RAPGEF2: variants seen among roughly 807,000 people sequenced by gnomAD.
RAPGEF2 encodes the protein PDZ domain containing guanine nucleotide exchange factor (GEF) 1.
A neutral mutation model predicts 186.7 loss-of-function variants in RAPGEF2; 54 were observed. The observed-to-expected ratio is 0.29, with a 90% CI of 0.23 to 0.36. The LOEUF is 0.36. Ranked by LOEUF, RAPGEF2 falls within the 10% of genes least tolerant of loss-of-function variation. RAPGEF2 has a pLI of 1.00. For missense variants in RAPGEF2, 1,532 were observed against 2,045.0 expected, an observed-to-expected ratio of 0.75 and a Z score of 4.84; for synonymous variants, 712 against 705.9, an observed-to-expected ratio of 1.01 and a Z score of -0.14.
intron 1 of RAPGEF2, among the ~76,000 whole-genome samples, chr4:159,153,122 C>T (rs1255044162): frequency 6.6e-6 from 1 of 152,160 alleles, no homozygotes; most frequent in Non-Finnish European, 1.5e-5. Context: ...CAAACAACTT[C>T]ATTACACTAG....
chr4:159,174,901 TGCTCGTCACCACACCTG>T (rs1746303887), intron 1 of RAPGEF2, among the ~76,000 whole-genome samples: 3 of 152,034 alleles, frequency 2.0e-5, no homozygotes, highest in Admixed American at 6.6e-5. Flanking sequence ...GGACCACAGG[TGCTCGTCACCACACCTG>T]GCTAATTTTG....
chr4:159,358,860 CCTT>C lies in RAPGEF2; in HGVS notation c.*724_*726del, dbSNP rs1456476599. ...GGCTTGTGACCCTGGCTTCCCATGT[CCTT>C]CTGGTCTCACCCGCGAAGTGCCCTA... On this transcript the variant is annotated 3_prime_UTR_variant, in exon 30 of 30. Transcript: ENST00000691494. 1.3e-5 allele frequency: 2 copies of C among 152,194 alleles called. No individual in the cohort carries two copies. The highest frequency in any genetic ancestry group is 2.4e-5 in the African/African-American group (1 of 41,440). 9.4% of individuals were successfully genotyped at this position (152,194 alleles called of 1,614,324 possible). A position where few individuals can be genotyped will look rare whatever the true frequency, so the allele number is the denominator to read the frequency against.
chr4:159,351,978 T>G (rs1213278335), intron 26 of RAPGEF2, among the ~76,000 whole-genome samples: 1 of 151,918 alleles, frequency 6.6e-6, no homozygotes, highest in African/African-American at 2.4e-5. Flanking sequence ...GATAGGCCCC[T>G]GCCATTGTGT....
intron 3 of RAPGEF2, among the ~76,000 whole-genome samples, chr4:159,196,649 T>A (rs920372436): frequency 1.3e-5 from 2 of 152,234 alleles, no homozygotes; most frequent in African/African-American, 4.8e-5. Flanking sequence ...GTACAGAGTG[T>A]TTAGAGCAGC....
chr4:159,324,021 C>T (rs535294184), intron 11 of RAPGEF2, among the ~76,000 whole-genome samples: 10 of 152,172 alleles, frequency 6.6e-5, no homozygotes, highest in East Asian at 5.8e-4. Flanking sequence ...CTCAGCCTCC[C>T]GAGCAGCTGG....
At chr4:159,146,953 A>G (rs757011347) in intron 1 of RAPGEF2, among the ~76,000 whole-genome samples, 1 of 152,168 alleles carries the variant, frequency 6.6e-6, no homozygotes, top group Non-Finnish European at 1.5e-5. Context: ...TAACCTATAC[A>G]TTCTCTTTTG....
chr4:159,213,191 G>T (rs937429837), intron 4 of RAPGEF2, among the ~76,000 whole-genome samples: 2 of 152,162 alleles, frequency 1.3e-5, no homozygotes, highest in African/African-American at 4.8e-5. Context: ...TGGGGATGTT[G>T]CCTTAGGAAT....
chr4:159,163,564 A>G (rs1744948433), intron 1 of RAPGEF2, among the ~76,000 whole-genome samples: 2 of 152,244 alleles, frequency 1.3e-5, no homozygotes, highest in Non-Finnish European at 1.5e-5. Context: ...CAAAAATAAA[A>G]GATCTGATTA....
At chr4:159,225,224 G>A (rs1751905282) in intron 4 of RAPGEF2, among the ~76,000 whole-genome samples, 1 of 152,142 alleles carries the variant, frequency 6.6e-6, no homozygotes, top group Admixed American at 6.5e-5. Flanking sequence ...AACAGGGACA[G>A]AATTTGAAAA....
chr4:159,286,442 A>T (rs766802406), intron 7 of RAPGEF2, among the ~76,000 whole-genome samples: 1 of 152,058 alleles, frequency 6.6e-6, no homozygotes, highest in Non-Finnish European at 1.5e-5. Context: ...TCTGCATGCT[A>T]TTCTTCACAT....
At chr4:159,118,666 A>G (rs981408438) in intron 1 of RAPGEF2, among the ~76,000 whole-genome samples, 2 of 151,134 alleles carry the variant, frequency 1.3e-5, no homozygotes, top group South Asian at 4.2e-4. Context: ...GCTCACCGCA[A>G]CCTCCGCCTC....
At chr4:159,191,920 A>G (rs1323306136) in intron 2 of RAPGEF2, among the ~76,000 whole-genome samples, 1 of 152,144 alleles carries the variant, frequency 6.6e-6, no homozygotes, top group Non-Finnish European at 1.5e-5. Context: ...TTCAGTAGAG[A>G]GGAACATGGA....
At chr4:159,287,321 G>A (rs1760631516) in intron 7 of RAPGEF2, among the ~76,000 whole-genome samples, 1 of 152,026 alleles carries the variant, frequency 6.6e-6, no homozygotes, top group Non-Finnish European at 1.5e-5. Flanking sequence ...ATAAAATATG[G>A]AAATAAATAT....
rs553539343 is a variant in RAPGEF2 at position 159,181,312 on chromosome 4, C to T, written c.70-5330C>T. Among the ~76,000 whole-genome samples the T allele has an allele frequency of 1.3e-4, 20 of 152,340 alleles. No homozygotes were observed. In the South Asian group the frequency reaches 4.1e-3, roughly 32 times the overall value. Reference sequence around the variant, plus strand: ...TCTTGCTTCTACTGTGTCTCTTAGACTTCTCCATCCTTTCCTGACATAGCT... The same window carrying T: ...TCTTGCTTCTACTGTGTCTCTTAGATTTCTCCATCCTTTCCTGACATAGCT... On this transcript the variant is annotated intron_variant, in intron 1 of 29. Transcript: ENST00000691494.
intron 1 of RAPGEF2, among the ~76,000 whole-genome samples, chr4:159,178,297 G>T (rs1746651114): frequency 6.6e-6 from 1 of 152,144 alleles, no homozygotes; most frequent in South Asian, 2.1e-4. Context: ...TATGGTATGG[G>T]CAGGCAGTCA....
chr4:159,164,226 G>C (rs1745042021), intron 1 of RAPGEF2, among the ~76,000 whole-genome samples: 1 of 150,940 alleles, frequency 6.6e-6, no homozygotes, highest in Non-Finnish European at 1.5e-5. Context: ...GGATGGTCTC[G>C]ATGTCCTGAC....
intron 1 of RAPGEF2, among the ~76,000 whole-genome samples, chr4:159,161,030 T>C (rs1323051178): frequency 6.6e-6 from 1 of 152,122 alleles, no homozygotes. Context: ...AAAAAATGCT[T>C]CTGATTGAAG....
In RAPGEF2 at chr4:159,360,021, C is replaced by A. The variant is rs1334517436; in HGVS notation, c.*1882C>A. 1 of 152,096 alleles carries A rather than the reference C, an allele frequency of 6.6e-6. No homozygotes were observed. The highest frequency in any genetic ancestry group is 1.5e-5 in the Non-Finnish European group (1 of 68,010). 9.4% of individuals were successfully genotyped at this position (152,096 alleles called of 1,614,324 possible). On this transcript the variant is annotated 3_prime_UTR_variant, in exon 30 of 30. Transcript: ENST00000691494. ...AGAAAGACATTGGTGGAGTCTGTATCCCTTTTGTATTTTTAATACAATAAT... is the reference window on the plus strand; with the variant it reads ...AGAAAGACATTGGTGGAGTCTGTATACCTTTTGTATTTTTAATACAATAAT...
In RAPGEF2 at chr4:159,139,433, A is replaced by G. The variant is rs1289093765; in HGVS notation, c.69+35202A>G. Among the ~76,000 whole-genome samples the G allele has an allele frequency of 3.3e-5, 5 of 152,308 alleles. 1 individual carries two copies. The East Asian group carries it at 7.7e-4, about 23-fold the overall frequency. Reference sequence around the variant, plus strand: ...TTTCTGTAATAATTAAGGCTTTGAGAAGGACATCCTATATAATGTAAGACA... The same window carrying G: ...TTTCTGTAATAATTAAGGCTTTGAGGAGGACATCCTATATAATGTAAGACA... On this transcript the variant is annotated intron_variant, in intron 1 of 29. Coordinates refer to ENST00000691494, the MANE Select transcript of RAPGEF2 (RefSeq NM_001394067.2).
Sources: gnomAD v4.1 joint callset for allele counts (sites outside exome capture counted in the v4.1 genomes callset) on GRCh38, gnomAD v4.1.1 for gene constraint, MANE v1.5 for transcripts, NCBI Gene and HGNC (gene_info 2026-07-23, HGNC 2026-07-21) for gene names.